Variants in GREB1L observed in about 807,000 individuals in gnomAD.
GREB1L encodes the protein GREB1-like protein.
In GREB1L, 17 loss-of-function variants were observed where a neutral mutation model predicts 200.8. The ratio of observed to expected loss-of-function variants is 0.08; its 90% CI spans 0.06 to 0.13. The LOEUF (loss-of-function observed/expected upper bound fraction) is 0.13. GREB1L is among the 10% of genes least tolerant of loss of function. The pLI is 1.00. For missense variants in GREB1L, 1,657 were observed against 2,367.7 expected (o/e 0.70, Z 6.23); for synonymous variants, 789 against 893.0 (o/e 0.88, Z 2.08).
intron 15 of GREB1L, among the ~76,000 whole-genome samples, chr18:21,463,895 C>T (rs2035160519): frequency 6.6e-6 from 1 of 152,090 alleles, no homozygotes; most frequent in African/African-American, 2.4e-5. Context: ...TTTTGTTGTG[C>T]CAGAAAGTGA....
intron 5 of GREB1L, among the ~76,000 whole-genome samples, chr18:21,396,594 A>G (rs1056678093): frequency 1.3e-5 from 2 of 152,188 alleles, no homozygotes; most frequent in Non-Finnish European, 2.9e-5. Context: ...TTCCAATGTC[A>G]TATAGATAGA....
intron 1 of GREB1L, among the ~76,000 whole-genome samples, chr18:21,315,454 T>C (rs1307311645): frequency 6.6e-6 from 1 of 152,146 alleles, no homozygotes; most frequent in African/African-American, 2.4e-5. Flanking sequence ...CATCTCAGAG[T>C]ATGTCATAAG....
chr18:21,284,840 G>T (rs928987374), intron 1 of GREB1L, among the ~76,000 whole-genome samples: 4 of 152,130 alleles, frequency 2.6e-5, no homozygotes, highest in African/African-American at 9.7e-5. Flanking sequence ...ACCAACACTA[G>T]CTACTGTCTG....
intron 7 of GREB1L, among the ~76,000 whole-genome samples, chr18:21,433,976 T>G (rs1220355180): frequency 2.0e-5 from 3 of 152,176 alleles, no homozygotes; most frequent in Non-Finnish European, 4.4e-5. Context: ...TTTTCTGGGC[T>G]GAATTATTTT....
intron 19 of GREB1L, among the ~76,000 whole-genome samples, chr18:21,495,099 A>T (rs940568066): frequency 6.6e-5 from 10 of 152,160 alleles, no homozygotes; most frequent in African/African-American, 1.9e-4. Context: ...CTTGAGAGAG[A>T]TTCTTTCAAG....
intron 1 of GREB1L, among the ~76,000 whole-genome samples, chr18:21,251,155 A>AAAAC (rs1204872294): frequency 6.6e-6 from 1 of 151,910 alleles, no homozygotes; most frequent in East Asian, 1.9e-4. Flanking sequence ...TCTATCTCTA[A>AAAAC]AAACAAACAA....
chr18:21,387,671 T>C (rs1387910210), intron 4 of GREB1L: 1 of 152,258 alleles, frequency 6.6e-6, no homozygotes, highest in Admixed American at 6.5e-5. Flanking sequence ...AGGTTTTGTT[T>C]TGTTTTTTCA....
intron 7 of GREB1L, among the ~76,000 whole-genome samples, chr18:21,417,026 A>G (rs754078445): frequency 1.6e-4 from 25 of 152,202 alleles, no homozygotes; most frequent in Middle Eastern, 3.4e-3. Context: ...TCTCAAATAA[A>G]TAAATAATAA....
intron 1 of GREB1L, among the ~76,000 whole-genome samples, chr18:21,310,560 A>G (rs929572083): frequency 2.6e-5 from 4 of 152,202 alleles, no homozygotes; most frequent in Non-Finnish European, 4.4e-5. Context: ...TCTTCTGTAT[A>G]CTCATGAGAG....
At chr18:21,468,784 A>T in intron 15 of GREB1L, 1 of 456,614 alleles carries the variant, frequency 2.2e-6, no homozygotes, top group Non-Finnish European at 4.4e-6. Context: ...CCTGCAATCT[A>T]TGACATTTCT....
At chr18:21,297,417 C>G (rs1598638774) in intron 1 of GREB1L, among the ~76,000 whole-genome samples, 1 of 152,082 alleles carries the variant, frequency 6.6e-6, no homozygotes, top group Non-Finnish European at 1.5e-5. Flanking sequence ...GTTCTTTGGG[C>G]GCCTTGAGGG....
At chr18:21,437,273 C>T (rs980669312) in intron 7 of GREB1L, among the ~76,000 whole-genome samples, 1 of 152,072 alleles carries the variant, frequency 6.6e-6, no homozygotes, top group African/African-American at 2.4e-5. Context: ...CTTTACACAG[C>T]CCACTTTTGT....
intron 1 of GREB1L, among the ~76,000 whole-genome samples, chr18:21,339,146 C>T (rs1002213198): frequency 6.6e-6 from 1 of 151,806 alleles, no homozygotes; most frequent in Non-Finnish European, 1.5e-5. Flanking sequence ...GAGATCGCAC[C>T]TCTGCACTCC....
intron 1 of GREB1L, among the ~76,000 whole-genome samples, chr18:21,318,890 C>G (rs1426275533): frequency 6.6e-6 from 1 of 152,160 alleles, no homozygotes. Flanking sequence ...TCCTGAAACA[C>G]TGGTGTGAGT....
chr18:21,289,545 CG>C (rs1384422811), intron 1 of GREB1L, among the ~76,000 whole-genome samples: 41 of 150,802 alleles, frequency 2.7e-4, no homozygotes, highest in African/African-American at 9.5e-4. Flanking sequence ...CATCCCCCCC[CG>C]CAAAAAAAAG....
At chr18:21,275,107 G>T (rs919764560) in intron 1 of GREB1L, among the ~76,000 whole-genome samples, 1 of 151,972 alleles carries the variant, frequency 6.6e-6, no homozygotes, top group African/African-American at 2.4e-5. Flanking sequence ...AGGCATGGTG[G>T]CACACGCCTG....
At chr18:21,363,275 CGCCTCCCCCCCG>C (rs2039606638) in intron 1 of GREB1L, among the ~76,000 whole-genome samples, 1 of 49,770 alleles carries the variant, frequency 2.0e-5, no homozygotes, top group Admixed American at 2.3e-4. Flanking sequence ...GCCCCCACTC[CGCCTCCCCCCCG>C]CCCCCCCCCC....
intron 1 of GREB1L, among the ~76,000 whole-genome samples, chr18:21,309,897 C>A (rs1040639323): frequency 2.6e-5 from 4 of 152,044 alleles, no homozygotes; most frequent in African/African-American, 7.2e-5. Context: ...CAAAACAGCC[C>A]CCCATCCCCT....
At chr18:21,457,214 A>C (rs1479333872) in intron 15 of GREB1L, among the ~76,000 whole-genome samples, 1 of 152,140 alleles carries the variant, frequency 6.6e-6, no homozygotes, top group Non-Finnish European at 1.5e-5. Flanking sequence ...AAAGTGTTTT[A>C]AGATTATCAC....
Sources: allele counts gnomAD v4.1 joint callset (sites outside exome capture counted in the v4.1 genomes callset), GRCh38; gene constraint gnomAD v4.1.1; transcripts MANE v1.5; gene names NCBI Gene and HGNC (gene_info 2026-07-23, HGNC 2026-07-21).